FHIT: variants seen among roughly 807,000 people sequenced by gnomAD.
FHIT encodes the protein bis(5'-adenosyl)-triphosphatase.
A neutral mutation model predicts 17.9 loss-of-function variants in FHIT; 19 were observed. The observed-to-expected ratio is 1.06, with a 90% CI of 0.74 to 1.56. The LOEUF (loss-of-function observed/expected upper bound fraction) is 1.56. Among genes scored for constraint, FHIT ranks in the 40% most tolerant of loss-of-function variants. The pLI is 0.00. For synonymous variants in FHIT, 81 were observed against 69.7 expected (o/e 1.16, Z -0.81); for missense variants, 248 against 189.2 (o/e 1.31, Z -1.82).
chr3:60,633,196 G>GGGA (rs1559600209), intron 4 of FHIT, among the ~76,000 whole-genome samples: 1 of 152,148 alleles, frequency 6.6e-6, no homozygotes, highest in Non-Finnish European at 1.5e-5. Flanking sequence ...TATTAATCTA[G>GGGA]GGAGGCAATA....
chr3:60,219,709 C>G (rs2107531079), intron 5 of FHIT, among the ~76,000 whole-genome samples: 1 of 152,232 alleles, frequency 6.6e-6, no homozygotes, highest in East Asian at 1.9e-4. Flanking sequence ...TGTTTCTCCT[C>G]AAAGCTTTGT....
At chr3:61,136,421 C>T (rs142684212) in intron 2 of FHIT, among the ~76,000 whole-genome samples, 1 of 152,166 alleles carries the variant, frequency 6.6e-6, no homozygotes, top group East Asian at 1.9e-4. Context: ...AAACAGCTTT[C>T]GGGGTGCTTG....
intron 5 of FHIT, among the ~76,000 whole-genome samples, chr3:60,346,750 C>A (rs1263468870): frequency 6.6e-6 from 1 of 152,112 alleles, no homozygotes; most frequent in East Asian, 1.9e-4. Flanking sequence ...ACAAGATGTG[C>A]AAGATGAGTT....
At chr3:61,044,528 A>G (rs62268698) in intron 2 of FHIT, among the ~76,000 whole-genome samples, 109,648 of 151,264 alleles carry the variant, frequency 0.72, 41,540 homozygotes, top group East Asian at 0.99. Flanking sequence ...GAAAGTGATG[A>G]GGAGAATGGA....
At chr3:60,916,332 C>G (rs574250039) in intron 3 of FHIT, among the ~76,000 whole-genome samples, 2 of 152,248 alleles carry the variant, frequency 1.3e-5, no homozygotes, top group East Asian at 3.9e-4. Context: ...ATAGTTAGAG[C>G]CAAATAGCTT....
chr3:60,246,470 A>T (rs1705402046), intron 5 of FHIT, among the ~76,000 whole-genome samples: 1 of 152,092 alleles, frequency 6.6e-6, no homozygotes, highest in African/African-American at 2.4e-5. Flanking sequence ...TTTTATTTGC[A>T]AATTATGAGG....
chr3:60,948,684 GC>G (rs1265966727), intron 3 of FHIT, among the ~76,000 whole-genome samples: 2 of 152,166 alleles, frequency 1.3e-5, no homozygotes, highest in Non-Finnish European at 2.9e-5. Flanking sequence ...CTATTCACAA[GC>G]CCCCTCTGGT....
At chr3:61,086,851 T>C (rs1175836135) in intron 2 of FHIT, among the ~76,000 whole-genome samples, 5 of 152,120 alleles carry the variant, frequency 3.3e-5, no homozygotes, top group Non-Finnish European at 7.4e-5. Flanking sequence ...AATGTGCTGA[T>C]AAAAACTCCA....
chr3:60,798,398 A>G (rs762384308), intron 4 of FHIT, among the ~76,000 whole-genome samples: 2 of 152,260 alleles, frequency 1.3e-5, no homozygotes, highest in Non-Finnish European at 2.9e-5. Context: ...ATAATAATCA[A>G]GAGCTGTTGT....
intron 5 of FHIT, among the ~76,000 whole-genome samples, chr3:60,481,626 G>A (rs947728922): frequency 5.9e-5 from 9 of 152,180 alleles, no homozygotes; most frequent in Non-Finnish European, 1.5e-5. Context: ...AGCAAATGCT[G>A]AGGGATTTCA....
intron 5 of FHIT, among the ~76,000 whole-genome samples, chr3:60,113,061 C>G (rs1431180047): frequency 6.6e-6 from 1 of 152,184 alleles, no homozygotes; most frequent in East Asian, 1.9e-4. Flanking sequence ...CCTGACCATC[C>G]AATCTCAAGT....
chr3:60,623,057 C>T (rs2039179196), intron 4 of FHIT, among the ~76,000 whole-genome samples: 1 of 152,180 alleles, frequency 6.6e-6, no homozygotes, highest in Non-Finnish European at 1.5e-5. Flanking sequence ...TCTTTAGAAG[C>T]ACTGTGAGAT....
intron 3 of FHIT, among the ~76,000 whole-genome samples, chr3:60,970,467 AG>A (rs977350982): frequency 2.0e-5 from 3 of 152,218 alleles, no homozygotes; most frequent in East Asian, 1.9e-4. Flanking sequence ...AATATAATTA[AG>A]GTTATATTTA....
chr3:61,101,252 G>A (rs929530097), intron 2 of FHIT, among the ~76,000 whole-genome samples: 8 of 152,152 alleles, frequency 5.3e-5, no homozygotes, highest in African/African-American at 1.9e-4. Flanking sequence ...GTGTAAGGAA[G>A]GGATCCAGTT....
chr3:60,141,888 C>T (rs17314469), intron 5 of FHIT, among the ~76,000 whole-genome samples: 12,681 of 152,150 alleles, frequency 0.083, 621 homozygotes, highest in African/African-American at 0.13. Context: ...TATTCATTAA[C>T]CTAAATCCTT....
intron 5 of FHIT, among the ~76,000 whole-genome samples, chr3:60,255,408 C>T (rs1216023185): frequency 1.3e-5 from 2 of 152,062 alleles, no homozygotes; most frequent in Non-Finnish European, 2.9e-5. Context: ...TCTTTAGGGG[C>T]CTGGCAGGTA....
At chr3:61,138,821 A>T (rs889472781) in intron 2 of FHIT, among the ~76,000 whole-genome samples, 1 of 152,166 alleles carries the variant, frequency 6.6e-6, no homozygotes, top group Admixed American at 6.5e-5. Flanking sequence ...AAGAACATAG[A>T]CACAGCATCC....
At chr3:61,026,909 T>C (rs923290697) in intron 3 of FHIT, among the ~76,000 whole-genome samples, 5 of 152,218 alleles carry the variant, frequency 3.3e-5, no homozygotes, top group African/African-American at 1.2e-4. Context: ...AGTTGCCTAC[T>C]GGAGCTGCCT....
intron 5 of FHIT, among the ~76,000 whole-genome samples, chr3:60,442,715 T>C (rs4679540): frequency 0.36 from 55,406 of 151,924 alleles, 11,474 homozygotes; most frequent in African/African-American, 0.55. Context: ...GTGATGCCTC[T>C]AGCTTTGTTC....
Sources: gnomAD v4.1 joint callset for allele counts (sites outside exome capture counted in the v4.1 genomes callset) on GRCh38, gnomAD v4.1.1 for gene constraint, MANE v1.5 for transcripts, NCBI Gene and HGNC (gene_info 2026-07-23, HGNC 2026-07-21) for gene names.